Variants in KBTBD11 observed in about 807,000 individuals in gnomAD.
The protein encoded by KBTBD11 is kelch repeat and BTB domain-containing protein 11.
For missense variants in KBTBD11, 1,390 were observed against 1,001.8 expected (o/e 1.39, Z -5.23); for synonymous variants, 747 against 499.0 (o/e 1.50, Z -6.63).
intron 1 of KBTBD11, among the ~76,000 whole-genome samples, chr8:1,993,357 CGG>C (rs1816989206): frequency 1.5e-3 from 175 of 116,114 alleles, no homozygotes; most frequent in Middle Eastern, 0.011. Context: ...GTCCATCCAT[CGG>C]TCCATCCGTC....
intron 1 of KBTBD11, among the ~76,000 whole-genome samples, chr8:1,994,157 C>G (rs1280118294): frequency 6.6e-6 from 1 of 152,174 alleles, no homozygotes; most frequent in African/African-American, 2.4e-5. Context: ...AATAATTTTA[C>G]TTCTTCCAAT....
In KBTBD11 at chr8:2,002,549, A is replaced by C; in HGVS notation, c.1357A>C (p.Thr453Pro). Residue 453 changes from threonine to proline, a missense_variant, in exon 2 of 2, where the codon ACC becomes CCC. By Grantham distance (38) the Thr-to-Pro change is conservative (BLOSUM62 -1). Transcript: ENST00000320248. This position sits in a 1 kb window ranked among gnomAD's most constrained non-coding sequence, Gnocchi z 4.1. ...CGCCTTCGCCGTGGCGCATGAGGCCACCACCTGCCACGGCGAGATCTACGT... is the reference window on the plus strand; with the variant it reads ...CGCCTTCGCCGTGGCGCATGAGGCCCCCACCTGCCACGGCGAGATCTACGT... ...RGAFAVAHEATTCHGEIYVSG... is the reference protein window; with the variant it reads ...RGAFAVAHEAPTCHGEIYVSG... The C allele has an allele frequency of 6.4e-7, 1 of 1,570,060 alleles. No individual in the cohort carries two copies. Among genetic ancestry groups the C allele is most frequent in the Non-Finnish European group, 8.6e-7 (1 of 1,168,026 alleles).
intron 1 of KBTBD11, among the ~76,000 whole-genome samples, chr8:1,993,565 CCA>C: frequency 9.4e-5 from 12 of 127,714 alleles, no homozygotes; most frequent in Admixed American, 4.7e-4. Context: ...ACCCATCCAT[CCA>C]TCCATCCATC....
intron 1 of KBTBD11, among the ~76,000 whole-genome samples, chr8:1,994,954 G>C (rs1344283959): frequency 6.6e-6 from 1 of 151,846 alleles, no homozygotes; most frequent in Non-Finnish European, 1.5e-5. Flanking sequence ...AGCTACTCGG[G>C]AGGCTGAGGC....
In KBTBD11 at chr8:1,987,145, A is replaced by G. The variant is rs116803675; in HGVS notation, c.-908-13140A>G. The stretch of plus-strand genomic sequence containing the variant: ...CCGGCCTCCTCTTCAGAAGTGATCA[A>G]TACACAAGAATCCATGCCTGTCCTT... On this transcript the variant is annotated intron_variant, in intron 1 of 1. Coordinates refer to ENST00000320248, the MANE Select transcript of KBTBD11 (RefSeq NM_014867.3). 3.2e-3 allele frequency among the ~76,000 whole-genome samples: 482 copies of G among 152,264 alleles called. 4 individuals carry two copies. The highest frequency in any genetic ancestry group is 0.01 in the African/African-American group (419 of 41,536).
chr8:1,993,958 C>CACACAAAAAA (rs1554527404), intron 1 of KBTBD11, among the ~76,000 whole-genome samples: 5 of 148,134 alleles, frequency 3.4e-5, no homozygotes, highest in South Asian at 4.3e-4. Flanking sequence ...CACACACACA[C>CACACAAAAAA]AAAACCCCAT....
In KBTBD11 at chr8:2,001,540, CCCCGCGTCCCCCGAGGAGCCCGGGGAG is replaced by C; in HGVS notation, c.355_381del (p.Ser119_Ala127del). On this transcript the variant is annotated inframe_deletion, in exon 2 of 2. Transcript: ENST00000320248. ...CCGAACCGCGCGTTTGGCTTGAGGA[CCCCGCGTCCCCCGAGGAGCCCGGGGAG>C]CCCGCGCCCGTACCCCCGGGGTTCG... is the stretch of plus-strand genomic sequence containing the variant. 7.0e-7 allele frequency: 1 copy of C among 1,433,420 alleles called. No individual in the cohort carries two copies. The highest frequency in any genetic ancestry group is 9.1e-7 in the Non-Finnish European group (1 of 1,099,120). 88.8% of individuals were successfully genotyped at this position (1,433,420 alleles called of 1,614,324 possible).
chr8:1,993,495 G>GTCCA (rs1293917447), intron 1 of KBTBD11, among the ~76,000 whole-genome samples: 35 of 40,276 alleles, frequency 8.7e-4, no homozygotes, highest in Admixed American at 3.5e-3. Flanking sequence ...CCGTCCATCC[G>GTCCA]TCCATCCATC....
chr8:1,984,279 GTTTT>G (rs71211539), intron 1 of KBTBD11, among the ~76,000 whole-genome samples: 2 of 98,566 alleles, frequency 2.0e-5, no homozygotes, highest in African/African-American at 9.0e-5. Flanking sequence ...CTCTAAAAAA[GTTTT>G]TTTTTTTTTT....
intron 1 of KBTBD11, among the ~76,000 whole-genome samples, chr8:1,984,650 C>T (rs927642675): frequency 4.8e-5 from 6 of 124,496 alleles, no homozygotes; most frequent in Admixed American, 3.0e-4. Context: ...GGTGAGTGGC[C>T]CCCTAAAAAG....
At position 2,001,516 on chromosome 8, in the gene KBTBD11, C is replaced by A. The variant is rs1249998599; in HGVS notation, c.324C>A (p.Pro108=). 1.4e-6 allele frequency: 2 copies of A among 1,415,442 alleles called. No homozygotes were observed. The highest frequency in any genetic ancestry group is 1.5e-5 in the African/African-American group (1 of 66,434). The allele number at this position is 1,415,442 out of a possible 1,614,324, so 87.7% of individuals were successfully genotyped here. The stretch of plus-strand genomic sequence containing the variant: ...CGGAAGAGCCCGCGGCGCCGTCCCC[C>A]GAACCGCGCGTTTGGCTTGAGGACC... ...ACPEEPAAPS[P]EPRVWLEDPA... The change falls in exon 2 of 2, where the codon CCC becomes CCA. Residue 108 remains proline (P), a synonymous_variant. Transcript: ENST00000320248.
At chr8:1,986,920 C>G (rs1166671398) in intron 1 of KBTBD11, among the ~76,000 whole-genome samples, 1 of 147,840 alleles carries the variant, frequency 6.8e-6, no homozygotes, top group Non-Finnish European at 1.5e-5. Context: ...CTCCTGTAAT[C>G]TCAGCTCTTC....
intron 1 of KBTBD11, among the ~76,000 whole-genome samples, chr8:1,991,056 CCGGG>C (rs1816894865): frequency 7.8e-5 from 7 of 90,006 alleles, no homozygotes; most frequent in South Asian, 5.2e-4. Flanking sequence ...GGCGCCCTGT[CCGGG>C]TAGATGCTGC....
At chr8:1,980,536 C>G (rs561511676) in intron 1 of KBTBD11, among the ~76,000 whole-genome samples, 3 of 152,326 alleles carry the variant, frequency 2.0e-5, no homozygotes, top group South Asian at 4.1e-4. Context: ...TTAATCAAAA[C>G]TTTTAAAATG....
At position 1,982,219 on chromosome 8, in the gene KBTBD11, C is replaced by T. The variant is rs535147923; in HGVS notation, c.-909+8284C>T. ...CAACTATAAGGTATTTTATGTAAGC[C>T]TCATGGTGACCACAAAGCAAAAACC... On this transcript the variant is annotated intron_variant, in intron 1 of 1. Coordinates refer to ENST00000320248, the MANE Select transcript of KBTBD11 (RefSeq NM_014867.3). 3.9e-5 allele frequency among the ~76,000 whole-genome samples: 6 copies of T among 152,168 alleles called. No individual in the cohort carries two copies. The South Asian group carries it at 1.2e-3, about 32-fold the overall frequency.
At chr8:1,974,072 G>T in intron 1 of KBTBD11, 137 bp downstream of exon 1, 1 of 601,702 alleles carries the variant, frequency 1.7e-6, no homozygotes, top group Non-Finnish European at 2.1e-6. Flanking sequence ...GAAAAGGGGA[G>T]GCCGGCAGGG....
chr8:1,987,421 T>G (rs984227338), intron 1 of KBTBD11, among the ~76,000 whole-genome samples: 1 of 152,140 alleles, frequency 6.6e-6, no homozygotes, highest in South Asian at 2.1e-4. Context: ...CAAAGCAATC[T>G]TTCTAAAACC....
chr8:1,974,967 TC>T (rs1816281539), intron 1 of KBTBD11: 1 of 150,210 alleles, frequency 6.7e-6, no homozygotes, highest in African/African-American at 2.4e-5. Context: ...TCCCCGCGGT[TC>T]CCGCCTCCAT....
At position 2,002,499 on chromosome 8, in the gene KBTBD11, C is replaced by A; in HGVS notation, c.1307C>A (p.Ala436Asp). 1.3e-6 allele frequency: 2 copies of A among 1,510,624 alleles called. No homozygotes were observed. Among genetic ancestry groups the A allele is most frequent in the South Asian group, 1.2e-5 (1 of 81,244 alleles). 93.6% of individuals were successfully genotyped at this position (1,510,624 alleles called of 1,614,324 possible). Residue 436 changes from alanine to aspartate, a missense_variant, in exon 2 of 2, where the codon GCC becomes GAC. Ala to Asp is a moderately radical substitution (Grantham distance 126). Coordinates refer to ENST00000320248, the MANE Select transcript of KBTBD11 (RefSeq NM_014867.3). The surrounding 1 kb of genome is among the most constrained non-coding windows in gnomAD (Gnocchi z 4.1). ...ERYDPRADRW[A>D]PVAPLPRGAF... ...TACGACCCGCGCGCCGACCGCTGGGCCCCCGTGGCGCCGCTGCCCCGGGGC... is the reference window on the plus strand; with the variant it reads ...TACGACCCGCGCGCCGACCGCTGGGACCCCGTGGCGCCGCTGCCCCGGGGC...
Sources: gnomAD v4.1 joint callset for allele counts (sites outside exome capture counted in the v4.1 genomes callset) on GRCh38, gnomAD v4.1.1 for gene constraint, Gnocchi (gnomAD v3.1) non-coding constraint, MANE v1.5 for transcripts, NCBI Gene and HGNC (gene_info 2026-07-23, HGNC 2026-07-21) for gene names.